The following POPDC2 variants were observed in gnomAD, a reference collection of about 807,000 sequenced individuals.
The protein encoded by POPDC2 is popeye domain-containing protein 2.
In POPDC2, 24 loss-of-function variants were observed where a neutral mutation model predicts 30.5. That is an observed-to-expected ratio of 0.79 (90% confidence interval 0.57 to 1.11). The LOEUF is 1.11. Among genes scored for constraint, POPDC2 ranks in the 50% least tolerant of loss-of-function variants. POPDC2 has a pLI of 0.00. For missense variants in POPDC2, 409 were observed against 447.0 expected, an observed-to-expected ratio of 0.91 and a Z score of 0.77; for synonymous variants, 185 against 183.3, an observed-to-expected ratio of 1.01 and a Z score of -0.07.
At chr3:119,648,063 T>G in intron 3 of POPDC2, 56 bp downstream of exon 3, 34 of 1,342,824 alleles carry the variant, frequency 2.5e-5, no homozygotes, top group Non-Finnish European at 3.2e-5. Context: ...CCTAACAAGC[T>G]GAGTTAAGGC....
rs554372289 is a variant in POPDC2, at chr3:119,650,663, CA to C, written c.601-1996del. Among the ~76,000 whole-genome samples, 783 of 152,318 alleles carry C rather than the reference CA, an allele frequency of 5.1e-3. 1 individual carries two copies. The highest frequency in any genetic ancestry group is 0.014 in the Middle Eastern group (4 of 294). On this transcript the variant is annotated intron_variant, in intron 2 of 3. Coordinates refer to ENST00000493094, the MANE Select transcript of POPDC2 (RefSeq NM_001369919.2). ...CCAACTCCTCACCACTAAAGTATCCCAGGGCTCCGCTCTTGAACCATTCCCT... is the reference window on the plus strand; with the variant it reads ...CCAACTCCTCACCACTAAAGTATCCCGGGCTCCGCTCTTGAACCATTCCCT...
intron 2 of POPDC2, among the ~76,000 whole-genome samples, chr3:119,654,083 T>C (rs1245626806): frequency 2.0e-5 from 3 of 150,544 alleles, no homozygotes; most frequent in Non-Finnish European, 4.4e-5. Flanking sequence ...GAGGGGAGAG[T>C]AGGGGCCAAG....
chr3:119,660,540 C>T lies in POPDC2; in HGVS notation c.-117G>A. ...CTCACCTCCGGCTTCTCACTACCGACTCCACCTTTCCTAGAAGGAATGCTT... is the reference window on the plus strand; with the variant it reads ...CTCACCTCCGGCTTCTCACTACCGATTCCACCTTTCCTAGAAGGAATGCTT... On this transcript the variant is annotated 5_prime_UTR_variant, in exon 1 of 4. Coordinates refer to ENST00000493094, the MANE Select transcript of POPDC2 (RefSeq NM_001369919.2). The T allele has an allele frequency of 8.5e-7, 1 of 1,181,576 alleles. No homozygotes were observed. The highest frequency in any genetic ancestry group is 1.2e-6 in the Non-Finnish European group (1 of 863,722). The allele number at this position is 1,181,576 out of a possible 1,614,324, so 73.2% of individuals were successfully genotyped here. A position where few individuals can be genotyped will look rare whatever the true frequency, so the allele number is the denominator to read the frequency against.
In POPDC2 at chr3:119,644,487, C is replaced by T. The variant is rs181812071; in HGVS notation, c.*44-1926G>A. Among the ~76,000 whole-genome samples the T allele has an allele frequency of 4.3e-4, 65 of 152,306 alleles. No individual in the cohort carries two copies. The East Asian group carries it at 9.5e-3, about 22-fold the overall frequency. ...GGAAGACCCTGCATGAATACATTATCCTGCAGCATAGTTTTGCCTATTAAG... is the reference window on the plus strand; with the variant it reads ...GGAAGACCCTGCATGAATACATTATTCTGCAGCATAGTTTTGCCTATTAAG... On this transcript the variant is annotated intron_variant, in intron 3 of 3. Transcript: ENST00000493094.
intron 1 of POPDC2, among the ~76,000 whole-genome samples, chr3:119,656,108 A>C (rs1462005046): frequency 6.6e-6 from 1 of 152,200 alleles, no homozygotes; most frequent in African/African-American, 2.4e-5. Context: ...GGAACTAAAA[A>C]AAATTTTTTT....
At position 119,642,516 on chromosome 3, in the gene POPDC2, C is replaced by A. The variant is rs753356394; in HGVS notation, c.*89G>T. 2 of 1,613,228 alleles carry A rather than the reference C, an allele frequency of 1.2e-6. No individual in the cohort carries two copies. The highest frequency in any genetic ancestry group is 1.7e-6 in the Non-Finnish European group (2 of 1,179,380). ...GTGGGTTGGAGCCAAAGGGGCCTGT[C>A]CCCTGGATATAACTTGAGAGTAGCT... On this transcript the variant is annotated 3_prime_UTR_variant, in exon 4 of 4. Transcript: ENST00000493094.
chr3:119,647,912 A>G (rs747035300), intron 3 of POPDC2, among the ~76,000 whole-genome samples: 11 of 152,224 alleles, frequency 7.2e-5, no homozygotes, highest in Non-Finnish European at 1.3e-4. Context: ...CTAAAATGCA[A>G]TCAAGTTAAT....
At chr3:119,654,672 A>AACTTCAGCATAGGTGGCT in intron 1 of POPDC2, 59 bp from the exon 2 acceptor site, 2 of 1,238,778 alleles carry the variant, frequency 1.6e-6, no homozygotes, top group Non-Finnish European at 2.4e-6. Flanking sequence ...CAAGCCACCT[A>AACTTCAGCATAGGTGGCT]TGCTGAAGTT....
At chr3:119,649,609 T>C (rs916968026) in intron 2 of POPDC2, among the ~76,000 whole-genome samples, 4 of 152,172 alleles carry the variant, frequency 2.6e-5, no homozygotes, top group Non-Finnish European at 1.5e-5. Context: ...GTTCATGATA[T>C]ATTTTTGTGG....
intron 2 of POPDC2, among the ~76,000 whole-genome samples, chr3:119,650,674 T>C (rs945674185): frequency 6.6e-6 from 1 of 152,206 alleles, no homozygotes; most frequent in African/African-American, 2.4e-5. Flanking sequence ...AGGGCTCCGC[T>C]CTTGAACCAT....
intron 3 of POPDC2, among the ~76,000 whole-genome samples, chr3:119,644,575 T>C (rs2052725011): frequency 6.6e-6 from 1 of 152,198 alleles, no homozygotes; most frequent in Non-Finnish European, 1.5e-5. Context: ...ATATGTCTCT[T>C]CAAAAAGGAG....
chr3:119,659,722 C>T (rs2052919257), intron 1 of POPDC2, among the ~76,000 whole-genome samples: 1 of 152,200 alleles, frequency 6.6e-6, no homozygotes, highest in African/African-American at 2.4e-5. Flanking sequence ...CAAGATGCCT[C>T]ATGAACTGGT....
Position 119,648,200 on chromosome 3 carries a change from A to T in POPDC2, c.1069T>A (p.Phe357Ile). ...TCCCCATCACTCCTATAATCCATAA[A>T]CGATTCTGATCCTGACACCTCCTCA... Reference protein sequence around the residue: ...DFEEVSGSESFMDYRSDGEYM... With the variant: ...DFEEVSGSESIMDYRSDGEYM... The change falls in exon 3 of 4, where the codon TTT becomes ATT. Residue 357 changes from phenylalanine to isoleucine, a missense_variant. Coordinates refer to ENST00000493094, the MANE Select transcript of POPDC2 (RefSeq NM_001369919.2). The T allele has an allele frequency of 6.4e-7, 1 of 1,567,504 alleles. No individual in the cohort carries two copies. Among genetic ancestry groups the T allele is most frequent in the Non-Finnish European group, 8.7e-7 (1 of 1,155,630 alleles).
chr3:119,643,471 AAG>A, intron 3 of POPDC2: 1 of 1,421,358 alleles, frequency 7.0e-7, no homozygotes, highest in Non-Finnish European at 9.6e-7. Flanking sequence ...AAGAGAAAGA[AAG>A]AGAGAGAGAC....
chr3:119,642,422 C>A lies in POPDC2; in HGVS notation c.*183G>T. The A allele has an allele frequency of 7.6e-7, 1 of 1,313,732 alleles. No individual in the cohort carries two copies. Among genetic ancestry groups the A allele is most frequent in the South Asian group, 1.2e-5 (1 of 84,046 alleles). 81.4% of individuals were successfully genotyped at this position (1,313,732 alleles called of 1,614,324 possible). ...AGAGGCATGCCTATCAGTGGCCATT[C>A]TGTGAACACAGAAGAGAGCTGCGCT... On this transcript the variant is annotated 3_prime_UTR_variant, in exon 4 of 4. Coordinates refer to ENST00000493094, the MANE Select transcript of POPDC2 (RefSeq NM_001369919.2).
At chr3:119,644,328 G>A (rs555615499) in intron 3 of POPDC2, among the ~76,000 whole-genome samples, 1 of 152,320 alleles carries the variant, frequency 6.6e-6, no homozygotes, top group South Asian at 2.1e-4. Context: ...CCTCGGAGCT[G>A]CATTTCTAGA....
intron 1 of POPDC2, among the ~76,000 whole-genome samples, chr3:119,659,384 A>G (rs1021603260): frequency 3.3e-5 from 5 of 152,230 alleles, no homozygotes; most frequent in African/African-American, 1.2e-4. Context: ...GGCTACATAC[A>G]GCTACCCCAA....
chr3:119,653,156 G>T lies in POPDC2; in HGVS notation c.600+1349C>A, dbSNP rs894221731. The stretch of plus-strand genomic sequence containing the variant: ...TGGTAGATCCAGGCAACTTGGCTTT[G>T]TCACTTTCTAGCTGAAGACCCTGGG... On this transcript the variant is annotated intron_variant, in intron 2 of 3. Coordinates refer to ENST00000493094, the MANE Select transcript of POPDC2 (RefSeq NM_001369919.2). 2.0e-5 allele frequency among the ~76,000 whole-genome samples: 3 copies of T among 152,278 alleles called. No homozygotes were observed. In the East Asian group the frequency reaches 5.8e-4, roughly 29 times the overall value.
chr3:119,648,937 C>A (rs1331000612), intron 2 of POPDC2, among the ~76,000 whole-genome samples: 1 of 152,214 alleles, frequency 6.6e-6, no homozygotes, highest in Non-Finnish European at 1.5e-5. Context: ...TCCACATCCA[C>A]TTTCCTCAAC....
Sources: allele counts gnomAD v4.1 joint callset (sites outside exome capture counted in the v4.1 genomes callset), GRCh38; gene constraint gnomAD v4.1.1; transcripts MANE v1.5; gene names NCBI Gene and HGNC (gene_info 2026-07-23, HGNC 2026-07-21).